SETX: variants seen among roughly 807,000 people sequenced by gnomAD.
SETX encodes the protein senataxin.
A neutral mutation model predicts 227.2 loss-of-function variants in SETX; 90 were observed. The ratio of observed to expected loss-of-function variants is 0.40; its 90% CI spans 0.33 to 0.47. The LOEUF (loss-of-function observed/expected upper bound fraction) is 0.47, where lower values mean the gene tolerates loss of function less well. Among genes scored for constraint, SETX ranks in the 20% least tolerant of loss-of-function variants. The probability of loss-of-function intolerance (pLI) is 0.91; values close to 1 mark genes in which losing one functional copy is unlikely to be tolerated. For missense variants in SETX, 3,052 were observed against 3,181.5 expected (o/e 0.96, Z 0.98); for synonymous variants, 1,210 against 1,113.2 (o/e 1.09, Z -1.73).
Position 132,282,642 on chromosome 9 carries a change from G to A in SETX, c.6546+622C>T, listed in dbSNP as rs117053975. 437 of 160,376 alleles carry A rather than the reference G, an allele frequency of 2.7e-3. 5 individuals carry two copies. The highest frequency in any genetic ancestry group is 0.021 in the East Asian group (116 of 5,616). The allele number at this position is 160,376 out of a possible 1,614,324, so 9.9% of individuals were successfully genotyped here. A position where few individuals can be genotyped will look rare whatever the true frequency, so the allele number is the denominator to read the frequency against. On this transcript the variant is annotated intron_variant, in intron 19 of 25. Coordinates refer to ENST00000224140, the MANE Select transcript of SETX (RefSeq NM_015046.7). ...CAGAAATCACATTAGGAGCGTCCAT[G>A]AGTGTGTTTCCCCATATCTTTCTTC...
chr9:132,269,081 G>T (rs1842778232), intron 25 of SETX, among the ~76,000 whole-genome samples: 1 of 152,256 alleles, frequency 6.6e-6, no homozygotes, highest in African/African-American at 2.4e-5. Context: ...TGATATCAGT[G>T]AATTAAGCTG....
intron 10 of SETX, among the ~76,000 whole-genome samples, chr9:132,323,120 G>A (rs1164253727): frequency 6.6e-6 from 1 of 152,112 alleles, no homozygotes. Context: ...TGAAGGACAG[G>A]CCTCGCTAAC....
At chr9:132,309,121 G>C (rs1490046494) in intron 11 of SETX, among the ~76,000 whole-genome samples, 1 of 152,136 alleles carries the variant, frequency 6.6e-6, no homozygotes, top group Non-Finnish European at 1.5e-5. Flanking sequence ...CTGGGCGACA[G>C]AGCAAGATTC....
intron 25 of SETX, among the ~76,000 whole-genome samples, 191 bp from the exon 26 acceptor site, chr9:132,265,176 C>T (rs970786815): frequency 2.8e-5 from 4 of 141,908 alleles, no homozygotes; most frequent in Non-Finnish European, 6.0e-5. Flanking sequence ...AGTCCCATTC[C>T]TAAAAATAAG....
At chr9:132,298,843 T>C (rs1235302978) in intron 12 of SETX, among the ~76,000 whole-genome samples, 1 of 152,178 alleles carries the variant, frequency 6.6e-6, no homozygotes, top group Non-Finnish European at 1.5e-5. Flanking sequence ...TATAGGGCTG[T>C]GCAGATCACA....
chr9:132,350,516 A>T (rs1848546691), intron 2 of SETX, among the ~76,000 whole-genome samples: 1 of 152,196 alleles, frequency 6.6e-6, no homozygotes, highest in South Asian at 2.1e-4. Context: ...TTGGCTGCTG[A>T]GGCTTCTGTG....
intron 11 of SETX, 93 bp downstream of exon 11, chr9:132,311,664 T>TG: frequency 1.2e-6 from 1 of 869,010 alleles, no homozygotes. Context: ...AGAAAATTTG[T>TG]GTCCCCCTAA....
rs1255513996 is a variant in SETX at position 132,267,696 on chromosome 9, G to A, written c.7287+1919C>T. On this transcript the variant is annotated intron_variant, in intron 25 of 25. Coordinates refer to ENST00000224140, the MANE Select transcript of SETX (RefSeq NM_015046.7). The stretch of plus-strand genomic sequence containing the variant: ...ACAATGTCGGTGCCATTAGCTGGAG[G>A]TCAGTGGTCTGCACAGTTGTGCAAG... 2.0e-5 allele frequency among the ~76,000 whole-genome samples: 3 copies of A among 152,232 alleles called. No homozygotes were observed. In the East Asian group the frequency reaches 5.8e-4, roughly 29 times the overall value.
chr9:132,337,350 G>A (rs959932711), intron 5 of SETX, among the ~76,000 whole-genome samples: 2 of 151,266 alleles, frequency 1.3e-5, no homozygotes. Flanking sequence ...AAATCAAAGG[G>A]CATTTCTAAA....
At position 132,264,763 on chromosome 9, in the gene SETX, C is replaced by G. The variant is rs1380046990; in HGVS notation, c.7510G>C (p.Val2504Leu). 2 of 1,614,210 alleles carry G rather than the reference C, an allele frequency of 1.2e-6. No homozygotes were observed. Among genetic ancestry groups the G allele is most frequent in the Non-Finnish European group, 1.7e-6 (2 of 1,180,040 alleles). Residue 2504 changes from valine (V) to leucine (L), a missense_variant, in exon 26 of 26, where the codon GTT (valine) becomes CTT (leucine). Transcript: ENST00000224140. Reference sequence around the variant, plus strand: ...GGTGTGTGGTATAGAGAAGCAGCAACAGATGTCTTGGCAAATCCACTGTCT... The same window carrying G: ...GGTGTGTGGTATAGAGAAGCAGCAAGAGATGTCTTGGCAAATCCACTGTCT... ...KLDSGFAKTS[V>L]AASLYHTPSD...
chr9:132,333,418 C>T (rs512858), intron 7 of SETX, among the ~76,000 whole-genome samples: 36,378 of 53,216 alleles, frequency 0.68, 12,810 homozygotes, highest in Non-Finnish European at 0.79. Flanking sequence ...AATATATATA[C>T]ACACACACAC....
rs2131445400 is a variant in SETX at position 132,328,468 on chromosome 9, C to T, written c.3130G>A (p.Glu1044Lys). 1.2e-6 allele frequency: 2 copies of T among 1,613,622 alleles called. No individual in the cohort carries two copies. Among genetic ancestry groups the T allele is most frequent in the Non-Finnish European group, 1.7e-6 (2 of 1,179,928 alleles). Residue 1044 changes from glutamate to lysine, a missense_variant, in exon 10 of 26, where the codon GAA becomes AAA. By Grantham distance (56) the Glu-to-Lys change is moderately conservative. This residue lies in a region of SETX where 1,483 missense variants were observed against 1,312.0 expected (regional missense o/e 1.13). Coordinates refer to ENST00000224140, the MANE Select transcript of SETX (RefSeq NM_015046.7). Reference sequence around the variant, plus strand: ...GTTGAAACGTGCTGCTCTGGATGTTCCCTCTCAAGGCATATTTTGTCCTGT... The same window carrying T: ...GTTGAAACGTGCTGCTCTGGATGTTTCCTCTCAAGGCATATTTTGTCCTGT... ...TKQDKICLEREHPEQHVSTVN... is the reference protein window; with the variant it reads ...TKQDKICLERKHPEQHVSTVN...
rs1383678010 is a variant in SETX, at chr9:132,329,120, C to A, written c.2478G>T (p.Arg826Ser). The A allele has an allele frequency of 2.5e-6, 4 of 1,609,948 alleles. No individual in the cohort carries two copies. The highest frequency in any genetic ancestry group is 3.4e-6 in the Non-Finnish European group (4 of 1,179,346). Reference sequence around the variant, plus strand: ...CTCCTTTCTGAACTCCTGTATCTTTCCTTGAATAGAAACTCTCAATGTTAG... The same window carrying A: ...CTCCTTTCTGAACTCCTGTATCTTTACTTGAATAGAAACTCTCAATGTTAG... ...TVSNIESFYSRKDTGVQKGDG... is the reference protein window; with the variant it reads ...TVSNIESFYSSKDTGVQKGDG... The change falls in exon 10 of 26, where the codon AGG becomes AGT. Residue 826 changes from arginine to serine, a missense_variant. Arg to Ser is a moderately radical substitution (Grantham distance 110). Transcript: ENST00000224140.
intron 11 of SETX, among the ~76,000 whole-genome samples, chr9:132,303,878 T>C (rs1189268237): frequency 6.6e-6 from 1 of 152,114 alleles, no homozygotes; most frequent in Non-Finnish European, 1.5e-5. Context: ...TCCCAGCACT[T>C]TGGGAGGCCG....
chr9:132,348,345 A>G (rs1848412361), intron 3 of SETX, among the ~76,000 whole-genome samples: 1 of 137,112 alleles, frequency 7.3e-6, no homozygotes, highest in Non-Finnish European at 1.6e-5. Context: ...CCTGGACAAG[A>G]GAGTGAGACT....
Position 132,284,745 on chromosome 9 carries a change from G to A in SETX, c.6397-1332C>T, listed in dbSNP as rs149660741. ...TCAAAGTGCTGTACTTTCTTTTGCC[G>A]AATTCTGCCCACCATCACTCTACTT... On this transcript the variant is annotated intron_variant, in intron 18 of 25. Coordinates refer to ENST00000224140, the MANE Select transcript of SETX (RefSeq NM_015046.7). 3.4e-3 allele frequency among the ~76,000 whole-genome samples: 512 copies of A among 151,984 alleles called. 4 individuals carry two copies. The highest frequency in any genetic ancestry group is 0.011 in the African/African-American group (475 of 41,472).
intron 14 of SETX, among the ~76,000 whole-genome samples, chr9:132,296,613 C>T (rs1404913366): frequency 6.6e-6 from 1 of 151,880 alleles, no homozygotes; most frequent in African/African-American, 2.4e-5. Context: ...CCAGCATTCA[C>T]AGCATTCTAC....
At position 132,326,701 on chromosome 9, in the gene SETX, A is replaced by G. The variant is rs765934577; in HGVS notation, c.4897T>C (p.Ser1633Pro). ...ACTGGCTGTGGTACTTTCAAAATCG[A>G]CTGTATCCCCTTTGACTTATTTTTT... ...SLKNKSKGIQ[S>P]ILKVPQPVPL... Residue 1633 changes from serine to proline, a missense_variant, in exon 10 of 26, where the codon TCG becomes CCG. By Grantham distance (74) the Ser-to-Pro change is moderately conservative. This residue lies in a region of SETX where 1,483 missense variants were observed against 1,312.0 expected (regional missense o/e 1.13). Transcript: ENST00000224140. 2.5e-6 allele frequency: 4 copies of G among 1,614,084 alleles called. No homozygotes were observed. In the African/African-American group the frequency reaches 5.3e-5, roughly 22 times the overall value.
chr9:132,335,248 A>G (rs527268576), intron 6 of SETX, among the ~76,000 whole-genome samples: 351 of 151,672 alleles, frequency 2.3e-3, no homozygotes, highest in Admixed American at 3.8e-3. Context: ...AAAATTAGCC[A>G]GGCGTGGTGG....
Sources: allele counts gnomAD v4.1 joint callset (sites outside exome capture counted in the v4.1 genomes callset), GRCh38; gene constraint gnomAD v4.1.1; regional missense constraint gnomAD v4.1.1; transcripts MANE v1.5; gene names NCBI Gene and HGNC (gene_info 2026-07-23, HGNC 2026-07-21).